NRXN3: variants seen among roughly 807,000 people sequenced by gnomAD.
NRXN3 encodes the protein neurexin III.
NRXN3 carries 32 observed loss-of-function variants against 137.6 expected under a neutral mutation model. That is an observed-to-expected ratio of 0.23 (90% CI 0.18 to 0.31). The LOEUF (loss-of-function observed/expected upper bound fraction) is 0.31. NRXN3 is among the 10% of genes least tolerant of loss of function. The pLI is 1.00. For missense variants in NRXN3, 1,574 were observed against 2,062.5 expected (o/e 0.76, Z 4.59); for synonymous variants, 798 against 784.5 (o/e 1.02, Z -0.29).
chr14:79,706,419 C>CTTTTTT (rs919138966), intron 19 of NRXN3, among the ~76,000 whole-genome samples: 7 of 116,006 alleles, frequency 6.0e-5, no homozygotes, highest in South Asian at 2.9e-4. Context: ...GGCTTTTTTA[C>CTTTTTT]TTTTTTTTTT....
At chr14:78,603,118 A>T (rs79909359) in intron 4 of NRXN3, among the ~76,000 whole-genome samples, 2,944 of 152,186 alleles carry the variant, frequency 0.019, 105 homozygotes, top group East Asian at 0.18. Flanking sequence ...AAAAATGGTT[A>T]GAAGCAGCGT....
chr14:79,623,562 A>G (rs567883129), intron 16 of NRXN3, among the ~76,000 whole-genome samples: 2 of 152,348 alleles, frequency 1.3e-5, no homozygotes, highest in South Asian at 4.1e-4. Context: ...ACCTAATGTT[A>G]AATTCTGCTA....
chr14:78,172,985 A>G (rs2058878964), intron 1 of NRXN3, among the ~76,000 whole-genome samples: 1 of 152,064 alleles, frequency 6.6e-6, no homozygotes, highest in South Asian at 2.1e-4. Context: ...TTTGCTGCTT[A>G]TATAAGGGAA....
At chr14:79,582,919 G>A (rs7153625) in intron 16 of NRXN3, among the ~76,000 whole-genome samples, 17,741 of 152,120 alleles carry the variant, frequency 0.12, 1,164 homozygotes, top group South Asian at 0.22. Context: ...TGCCTTTCTC[G>A]AAAACTGATA....
chr14:79,476,770 T>C (rs2096563420), intron 16 of NRXN3, among the ~76,000 whole-genome samples: 1 of 152,122 alleles, frequency 6.6e-6, no homozygotes, highest in Admixed American at 6.6e-5. Flanking sequence ...AGGTAGTCAC[T>C]ATTAATATCC....
chr14:78,672,830 A>C (rs2152719493), intron 6 of NRXN3, among the ~76,000 whole-genome samples: 1 of 152,328 alleles, frequency 6.6e-6, no homozygotes, highest in African/African-American at 2.4e-5. Flanking sequence ...GAAAAAAATA[A>C]AGTGAAATCT....
chr14:78,330,091 G>A (rs2080610310), intron 4 of NRXN3, among the ~76,000 whole-genome samples: 1 of 152,114 alleles, frequency 6.6e-6, no homozygotes, highest in South Asian at 2.1e-4. Context: ...ATACGGTAGG[G>A]TGGTTTCTGT....
chr14:79,361,121 A>G (rs1157504710), intron 15 of NRXN3, among the ~76,000 whole-genome samples: 1 of 152,216 alleles, frequency 6.6e-6, no homozygotes, highest in African/African-American at 2.4e-5. Flanking sequence ...AAGAAGTAAT[A>G]TGTTAAATGA....
intron 16 of NRXN3, among the ~76,000 whole-genome samples, chr14:79,565,346 T>G (rs898911364): frequency 6.7e-6 from 1 of 148,788 alleles, no homozygotes. Context: ...TACATATGTG[T>G]GCGTATATGT....
At chr14:79,839,469 C>T (rs1452513853) in intron 20 of NRXN3, among the ~76,000 whole-genome samples, 1 of 152,082 alleles carries the variant, frequency 6.6e-6, no homozygotes, top group African/African-American at 2.4e-5. Flanking sequence ...ATTCAGAGAT[C>T]ATTTGTTCAG....
At chr14:79,506,015 T>TTTC (rs2096874687) in intron 16 of NRXN3, among the ~76,000 whole-genome samples, 1 of 152,206 alleles carries the variant, frequency 6.6e-6, no homozygotes, top group African/African-American at 2.4e-5. Flanking sequence ...CAGATTTTAC[T>TTTC]TTCTTGTGGC....
intron 15 of NRXN3, among the ~76,000 whole-genome samples, chr14:79,202,504 T>A (rs954104441): frequency 1.3e-5 from 2 of 152,006 alleles, no homozygotes; most frequent in African/African-American, 4.8e-5. Flanking sequence ...CACTGTACCA[T>A]ATTTGTAGTC....
At chr14:79,482,257 G>T (rs1418983356) in intron 16 of NRXN3, among the ~76,000 whole-genome samples, 4 of 152,158 alleles carry the variant, frequency 2.6e-5, no homozygotes. Flanking sequence ...AATGACCAAG[G>T]TCAAAGAAGT....
chr14:79,558,922 C>A (rs2097459687), intron 16 of NRXN3, among the ~76,000 whole-genome samples: 1 of 152,180 alleles, frequency 6.6e-6, no homozygotes, highest in South Asian at 2.1e-4. Context: ...CTTCACCTTG[C>A]ACTTTTATGT....
chr14:78,544,015 T>C (rs948272219), intron 4 of NRXN3, among the ~76,000 whole-genome samples: 1 of 152,188 alleles, frequency 6.6e-6, no homozygotes, highest in Non-Finnish European at 1.5e-5. Flanking sequence ...TATTTACTGT[T>C]CCCATTTCCC....
At chr14:79,209,175 T>C (rs1272265960) in intron 15 of NRXN3, among the ~76,000 whole-genome samples, 1 of 152,138 alleles carries the variant, frequency 6.6e-6, no homozygotes, top group Non-Finnish European at 1.5e-5. Flanking sequence ...CCTGACCTCG[T>C]GATCTACCTG....
At chr14:79,180,113 C>G (rs1399252880) in intron 15 of NRXN3, among the ~76,000 whole-genome samples, 1 of 152,178 alleles carries the variant, frequency 6.6e-6, no homozygotes, top group African/African-American at 2.4e-5. Flanking sequence ...ACCTCGCTGT[C>G]TCTGGGTTTT....
intron 10 of NRXN3, among the ~76,000 whole-genome samples, chr14:78,850,134 C>T (rs561015945): frequency 6.6e-6 from 1 of 151,922 alleles, no homozygotes; most frequent in East Asian, 1.9e-4. Flanking sequence ...CCACTAATAC[C>T]TGAGAGAGAG....
At chr14:79,569,046 T>C (rs2097574285) in intron 16 of NRXN3, among the ~76,000 whole-genome samples, 1 of 152,114 alleles carries the variant, frequency 6.6e-6, no homozygotes, top group Admixed American at 6.6e-5. Flanking sequence ...AAATGGCTAT[T>C]TTCAGAATGA....
Sources: allele counts gnomAD v4.1 joint callset (sites outside exome capture counted in the v4.1 genomes callset), GRCh38; gene constraint gnomAD v4.1.1; transcripts MANE v1.5; gene names NCBI Gene and HGNC (gene_info 2026-07-23, HGNC 2026-07-21).